Variants in COL6A2 observed in about 807,000 individuals in gnomAD.
The protein encoded by COL6A2 is collagen type VI alpha 2 chain, also known as collagen alpha-2(VI) chain.
COL6A2 carries 90 observed loss-of-function variants against 124.9 expected under a neutral mutation model. That is an observed-to-expected ratio of 0.72 (90% CI 0.61 to 0.86). The LOEUF (loss-of-function observed/expected upper bound fraction) is 0.86. Ranked by LOEUF, COL6A2 falls within the 40% of genes least tolerant of loss-of-function variation. COL6A2 has a pLI of 0.00. For synonymous variants in COL6A2, 793 were observed against 618.2 expected, an observed-to-expected ratio of 1.28 and a Z score of -4.19; for missense variants, 1,607 against 1,502.5, an observed-to-expected ratio of 1.07 and a Z score of -1.15.
rs2078478568 is a variant in COL6A2, at chr21:46,116,818, G to C, written c.999+4G>C. ...GAACGGGACCGATGGACAGAAGGTA[G>C]AGGGAGCCTCGGGCTCACAGCTGGA... On this transcript the variant is annotated splice_donor_region_variant and intron_variant, in intron 10 of 27. Transcript: ENST00000300527. The surrounding 1 kb of genome is among the most constrained non-coding windows in gnomAD (Gnocchi z 4.6). The C allele has an allele frequency of 4.3e-6, 7 of 1,612,814 alleles. No individual in the cohort carries two copies. The highest frequency in any genetic ancestry group is 5.9e-6 in the Non-Finnish European group (7 of 1,179,986).
chr21:46,126,467 A>ACCCTGGCCTGG, intron 26 of COL6A2, 36 bp from the exon 27 acceptor site: 1 of 1,594,234 alleles, frequency 6.3e-7, no homozygotes, highest in East Asian at 2.2e-5. Context: ...CTAGGGACTG[A>ACCCTGGCCTGG]CCCTGGCCTG....
intron 27 of COL6A2, chr21:46,129,143 TAGGCCGACGCCCACCGC>T (rs1381014597): frequency 6.2e-7 from 1 of 1,610,946 alleles, no homozygotes; most frequent in Non-Finnish European, 8.5e-7. Flanking sequence ...GGAGGAGCTC[TAGGCCGACGCCCACCGC>T]AGGCCTTACA....
In COL6A2 at chr21:46,125,694, A is replaced by G. The variant is rs1377313128; in HGVS notation, c.1969+77A>G. The stretch of plus-strand genomic sequence containing the variant: ...GGAGGCGATGAGATGGGAGAAGTCC[A>G]GACGCGTCCCTCCAACGAGGGCCTC... On this transcript the variant is annotated intron_variant, in intron 25 of 27. Transcript: ENST00000300527. 8 of 1,590,796 alleles carry G rather than the reference A, an allele frequency of 5.0e-6. No homozygotes were observed. The Admixed American group carries it at 7.0e-5, about 14-fold the overall frequency.
At chr21:46,124,782 G>T (rs2078633455) in intron 22 of COL6A2, 69 bp downstream of exon 22, 1 of 1,603,312 alleles carries the variant, frequency 6.2e-7, no homozygotes. Flanking sequence ...AAGCCTCGTG[G>T]TTCTGCCCAC....
Position 46,126,383 on chromosome 21 carries a change from C to G in COL6A2, c.2423-120C>G, listed in dbSNP as rs570571792. 2.6e-6 allele frequency: 4 copies of G among 1,529,126 alleles called. No homozygotes were observed. The East Asian group carries it at 6.8e-5, about 26-fold the overall frequency. The allele number at this position is 1,529,126 out of a possible 1,614,324, so 94.7% of individuals were successfully genotyped here. A position where few individuals can be genotyped will look rare whatever the true frequency, so the allele number is the denominator to read the frequency against. The stretch of plus-strand genomic sequence containing the variant: ...TGGGTGGGAAGGGGTCGGGCCCTCT[C>G]GGGGCTGCAGGGCAGAGGCCAGCTG... On this transcript the variant is annotated intron_variant, in intron 26 of 27. Transcript: ENST00000300527.
intron 27 of COL6A2, among the ~76,000 whole-genome samples, chr21:46,131,502 T>G (rs2078759457): frequency 6.6e-6 from 1 of 152,226 alleles, no homozygotes; most frequent in African/African-American, 2.4e-5. Context: ...CTAGGTGTTC[T>G]GAGCAGCTCT....
Position 46,112,356 on chromosome 21 carries a change from G to A in COL6A2, c.493G>A (p.Val165Ile), listed in dbSNP as rs886044102. Reference protein sequence around the residue: ...HFAVVITDGHVTGSPCGGIKL... With the variant: ...HFAVVITDGHITGSPCGGIKL... The stretch of plus-strand genomic sequence containing the variant: ...CGCCGTGGTCATCACCGACGGCCAC[G>A]TCACCGGCAGCCCCTGCGGGGGCAT... The change falls in exon 3 of 28, where the codon GTC becomes ATC. Residue 165 changes from valine (V) to isoleucine (I), a missense_variant. Transcript: ENST00000300527. 5.0e-6 allele frequency: 8 copies of A among 1,608,534 alleles called. No homozygotes were observed. The highest frequency in any genetic ancestry group is 3.3e-5 in the Admixed American group (2 of 59,838).
intron 21 of COL6A2, 116 bp from the exon 22 acceptor site, chr21:46,124,535 T>C (rs1163407163): frequency 5.0e-6 from 4 of 804,250 alleles, no homozygotes; most frequent in Non-Finnish European, 5.9e-6. Context: ...TTGCACCTGT[T>C]AGCCCCCCCC....
intron 4 of COL6A2, among the ~76,000 whole-genome samples, chr21:46,113,393 T>TA (rs923225160): frequency 6.6e-6 from 1 of 151,974 alleles, no homozygotes; most frequent in African/African-American, 2.4e-5. Flanking sequence ...TTTGTTTTTT[T>TA]AGAGACAGGG....
At chr21:46,120,460 A>C (rs907950343) in intron 15 of COL6A2, 55 bp from the exon 16 acceptor site, 2 of 1,427,186 alleles carry the variant, frequency 1.4e-6, no homozygotes, top group African/African-American at 2.8e-5. Context: ...CTCACATGGG[A>C]CCCAGGCCGG....
intron 11 of COL6A2, 52 bp from the exon 12 acceptor site, chr21:46,117,822 G>C (rs1318481214): frequency 6.4e-7 from 1 of 1,569,364 alleles, no homozygotes; most frequent in South Asian, 1.2e-5. Flanking sequence ...CTGGCTCATG[G>C]GGAGAACCCC....
In COL6A2 at chr21:46,126,118, A is replaced by G. The variant is rs1241863624; in HGVS notation, c.2303A>G (p.Glu768Gly). The G allele has an allele frequency of 6.2e-7, 1 of 1,612,426 alleles. No individual in the cohort carries two copies. The highest frequency in any genetic ancestry group is 8.5e-7 in the Non-Finnish European group (1 of 1,180,026). The change falls in exon 26 of 28, where the codon GAG becomes GGG. Residue 768 changes from glutamate (E) to glycine (G), a missense_variant. Glu to Gly is a moderately conservative substitution (Grantham distance 98, BLOSUM62 -2). Coordinates refer to ENST00000300527, the MANE Select transcript of COL6A2 (RefSeq NM_001849.4). The part of the protein sequence containing the change: ...GIGDMFHEKH[E>G]SENLYSIACD... ...GGGGACATGTTCCACGAGAAGCACGAGAGTGAAAACCTCTACTCCATCGCC... is the reference window on the plus strand; with the variant it reads ...GGGGACATGTTCCACGAGAAGCACGGGAGTGAAAACCTCTACTCCATCGCC...
chr21:46,101,156 A>T (rs534884448), intron 1 of COL6A2, among the ~76,000 whole-genome samples: 1 of 152,194 alleles, frequency 6.6e-6, no homozygotes, highest in South Asian at 2.1e-4. Flanking sequence ...TTCCCTCATG[A>T]TTAGTGACGT....
rs997611390 is a variant in COL6A2, at chr21:46,114,197, C to A, written c.801+124C>A. ...ATCCCAGCACTTTGGGAGGCCGAGG[C>A]GGGCGGATCACAACGTCAGGAGATC... On this transcript the variant is annotated intron_variant, in intron 5 of 27. Coordinates refer to ENST00000300527, the MANE Select transcript of COL6A2 (RefSeq NM_001849.4). 1.5e-5 allele frequency: 12 copies of A among 779,800 alleles called. No individual in the cohort carries two copies. The South Asian group carries it at 1.7e-4, about 11-fold the overall frequency. The allele number at this position is 779,800 out of a possible 1,614,324, so 48.3% of individuals were successfully genotyped here. A position where few individuals can be genotyped will look rare whatever the true frequency, so the allele number is the denominator to read the frequency against.
chr21:46,112,214 C>T lies in COL6A2; in HGVS notation c.351C>T (p.Ser117=), dbSNP rs867514736. 2.5e-6 allele frequency: 4 copies of T among 1,612,798 alleles called. No homozygotes were observed. Among genetic ancestry groups the T allele is most frequent in the Non-Finnish European group, 3.4e-6 (4 of 1,180,030 alleles). ...VFSPPGSDRA[S]FIKNLQGISS... ...GCCCACCGGGCAGCGACCGGGCCTC[C>T]TTCATCAAGAACCTGCAGGGCATCA... is the stretch of plus-strand genomic sequence containing the variant. The change falls in exon 3 of 28, where the codon TCC becomes TCT. Residue 117 remains serine, a synonymous_variant. Coordinates refer to ENST00000300527, the MANE Select transcript of COL6A2 (RefSeq NM_001849.4).
At position 46,132,483 on chromosome 21, in the gene COL6A2, C is replaced by G. The variant is rs1555877365; in HGVS notation, c.2991C>G (p.Phe997Leu). The G allele has an allele frequency of 1.9e-6, 3 of 1,607,206 alleles. No individual in the cohort carries two copies. Among genetic ancestry groups the G allele is most frequent in the Admixed American group, 1.7e-5 (1 of 59,900 alleles). ...TLSLGDRAAV[F>L]HEKDYDSLAQ... ...GCCTGGGTGACCGCGCCGCCGTGTT[C>G]CACGAGAAGGACTATGACAGCCTGG... The change falls in exon 28 of 28, where the codon TTC becomes TTG. Residue 997 changes from phenylalanine (F) to leucine (L), a missense_variant. Phe to Leu is a conservative substitution (Grantham distance 22). Coordinates refer to ENST00000300527, the MANE Select transcript of COL6A2 (RefSeq NM_001849.4).
At chr21:46,122,824 C>T (rs770846295) in intron 20 of COL6A2, 51 bp from the exon 21 acceptor site, 7 of 1,555,400 alleles carry the variant, frequency 4.5e-6, no homozygotes, top group Non-Finnish European at 6.2e-6. Flanking sequence ...ACTGGTGTCC[C>T]TGGTAGAGAC....
intron 10 of COL6A2, 102 bp from the exon 11 acceptor site, chr21:46,117,298 G>A: frequency 1.7e-6 from 2 of 1,198,388 alleles, no homozygotes; most frequent in Non-Finnish European, 2.4e-6. Context: ...GGAGAGCGCT[G>A]CAGCCCTGCG....
At chr21:46,118,284 C>T (rs1357316370) in intron 12 of COL6A2, among the ~76,000 whole-genome samples, 2 of 152,134 alleles carry the variant, frequency 1.3e-5, no homozygotes, top group African/African-American at 2.4e-5. Context: ...GTCGCCCCGC[C>T]CCTGGCGGCC....
Sources: gnomAD v4.1 joint callset for allele counts (sites outside exome capture counted in the v4.1 genomes callset) on GRCh38, gnomAD v4.1.1 for gene constraint, Gnocchi (gnomAD v3.1) non-coding constraint, MANE v1.5 for transcripts, NCBI Gene and HGNC (gene_info 2026-07-23, HGNC 2026-07-21) for gene names.